The following SPTA1 variants were observed in gnomAD, a reference collection of about 807,000 sequenced individuals.
SPTA1 encodes spectrin alpha, erythrocytic 1.
In SPTA1, 177 loss-of-function variants were observed where a neutral mutation model predicts 324.7. That is an observed-to-expected ratio of 0.55 (90% confidence interval 0.48 to 0.62). SPTA1 has a LOEUF of 0.62. Among genes scored for constraint, SPTA1 ranks in the 20% least tolerant of loss-of-function variants. The pLI is 0.00. For synonymous variants in SPTA1, 1,195 were observed against 1,041.3 expected (o/e 1.15, Z -2.84); for missense variants, 3,162 against 2,883.6 (o/e 1.10, Z -2.21).
chr1:158,681,235 G>T (rs1571531426), intron 4 of SPTA1, among the ~76,000 whole-genome samples: 1 of 152,064 alleles, frequency 6.6e-6, no homozygotes, highest in Non-Finnish European at 1.5e-5. Flanking sequence ...ATAGGAGAAG[G>T]AGTTAAAAAT....
At chr1:158,645,616 A>C (rs772000307) in intron 27 of SPTA1, 22 bp from the exon 28 acceptor site, 1 of 1,613,382 alleles carries the variant, frequency 6.2e-7, no homozygotes, top group South Asian at 1.1e-5. Flanking sequence ...GACACATTGG[A>C]ATTGACAAGA....
intron 22 of SPTA1, among the ~76,000 whole-genome samples, chr1:158,652,993 T>A (rs959708136): frequency 2.0e-5 from 3 of 152,158 alleles, no homozygotes; most frequent in African/African-American, 7.2e-5. Context: ...TTCATATAGA[T>A]GTCAGGAGAC....
At chr1:158,612,254 C>G (rs543026165) in intron 51 of SPTA1, 1 of 163,562 alleles carries the variant, frequency 6.1e-6, no homozygotes, top group Admixed American at 5.9e-5. Context: ...AGTTCCTGCA[C>G]GTCCTTCAAC....
At position 158,657,705 on chromosome 1, in the gene SPTA1, A is replaced by AT; in HGVS notation, c.2588-12dup. ...CTGCAGCAAAGTGTCCTATGGAGTAATTATAGAAAAGGTGAGTATGATCCT... is the reference window on the plus strand; with the variant it reads ...CTGCAGCAAAGTGTCCTATGGAGTAATTTATAGAAAAGGTGAGTATGATCCT... On this transcript the variant is annotated splice_polypyrimidine_tract_variant and intron_variant, in intron 18 of 51. Coordinates refer to ENST00000643759, the MANE Select transcript of SPTA1 (RefSeq NM_003126.4). 1 of 1,613,704 alleles carries AT rather than the reference A, an allele frequency of 6.2e-7. No individual in the cohort carries two copies. Among genetic ancestry groups the AT allele is most frequent in the Middle Eastern group, 1.7e-4 (1 of 6,058 alleles).
chr1:158,660,388 C>T (rs1385374276), intron 18 of SPTA1, among the ~76,000 whole-genome samples: 1 of 152,042 alleles, frequency 6.6e-6, no homozygotes, highest in Non-Finnish European at 1.5e-5. Context: ...TATTAGTTTA[C>T]TAAAGGCTTC....
Position 158,674,375 on chromosome 1 carries a change from T to C in SPTA1, c.1304A>G (p.Asp435Gly). The C allele has an allele frequency of 6.2e-7, 1 of 1,614,110 alleles. No individual in the cohort carries two copies. The highest frequency in any genetic ancestry group is 2.2e-5 in the East Asian group (1 of 44,882). The change falls in exon 10 of 52, where the codon GAC (aspartate) becomes GGC (glycine). Residue 435 changes from aspartate (D) to glycine (G), a missense_variant. Physicochemically the swap from Asp to Gly is moderately conservative, Grantham distance 94 (BLOSUM62 -1). Transcript: ENST00000643759. ...GGCTTCATGATTGGCATTCACGAGGTCTTGACCAGTCTCATCAGCAGATTG... is the reference window on the plus strand; with the variant it reads ...GGCTTCATGATTGGCATTCACGAGGCCTTGACCAGTCTCATCAGCAGATTG... ...RFQSADETGQ[D>G]LVNANHEASD... is the part of the protein sequence containing the mutation.
chr1:158,629,136 T>G (rs1474405554), intron 39 of SPTA1, among the ~76,000 whole-genome samples: 1 of 150,538 alleles, frequency 6.6e-6, no homozygotes, highest in Non-Finnish European at 1.5e-5. Context: ...GATAGATAGA[T>G]GATAGATAGA....
chr1:158,642,769 A>T (rs760410820), intron 32 of SPTA1, 45 bp downstream of exon 32: 1 of 1,613,582 alleles, frequency 6.2e-7, no homozygotes, highest in Non-Finnish European at 8.5e-7. Flanking sequence ...CCAACCAACA[A>T]GCTCGGAATG....
rs1468181905 is a variant in SPTA1 at position 158,642,447 on chromosome 1, C to T, written c.4701G>A (p.Glu1567=). 1 of 1,613,686 alleles carries T rather than the reference C, an allele frequency of 6.2e-7. No individual in the cohort carries two copies. Among genetic ancestry groups the T allele is most frequent in the Non-Finnish European group, 8.5e-7 (1 of 1,179,700 alleles). The change falls in exon 33 of 52, where the codon GAG becomes GAA. Residue 1567 remains glutamate, a synonymous_variant. Transcript: ENST00000643759. ...CTTCATTGCCATCACAAGCGCTACA[C>T]TCAATCAGGGAGTTCCCCAGGTTGA... ...GVINLGNSLI[E]CSACDGNEEA...
In SPTA1 at chr1:158,613,799, T is replaced by C. The variant is rs1160518046; in HGVS notation, c.6911A>G (p.Asn2304Ser). Residue 2304 changes from asparagine (N) to serine (S), a missense_variant, in exon 50 of 52, where the codon AAT (asparagine) becomes AGT (serine). Asn to Ser is a conservative substitution (Grantham distance 46). Transcript: ENST00000643759. ...KEFRSCLRGL[N>S]YYLPMVEEDE... is the part of the protein sequence containing the mutation. ...CTCCTCCACCATGGGCAAGTAGTAA[T>C]TGAGTCCTCTCAGGCAGGACCGGAA... 6.2e-7 allele frequency: 1 copy of C among 1,613,798 alleles called. No individual in the cohort carries two copies. The highest frequency in any genetic ancestry group is 8.5e-7 in the Non-Finnish European group (1 of 1,179,894).
At position 158,662,973 on chromosome 1, in the gene SPTA1, G is replaced by T. The variant is rs764023251; in HGVS notation, c.2221-28C>A. On this transcript the variant is annotated intron_variant, in intron 16 of 51. Transcript: ENST00000643759. ...AAGGGAGAAATAGAATGAATGCGAA[G>T]AAATCCCATCATTTAGTAGGAAGTA... is the stretch of plus-strand genomic sequence containing the variant. 1.9e-6 allele frequency: 3 copies of T among 1,613,426 alleles called. No individual in the cohort carries two copies. In the South Asian group the frequency reaches 3.3e-5, roughly 18 times the overall value.
intron 37 of SPTA1, 62 bp from the exon 38 acceptor site, chr1:158,636,096 C>T (rs1651050252): frequency 6.2e-7 from 1 of 1,613,644 alleles, no homozygotes; most frequent in Non-Finnish European, 8.5e-7. Context: ...TAGCCATAGT[C>T]CCTGAGCAAA....
chr1:158,633,920 G>A (rs2101800705), intron 39 of SPTA1, among the ~76,000 whole-genome samples: 1 of 152,160 alleles, frequency 6.6e-6, no homozygotes, highest in Admixed American at 6.5e-5. Context: ...AAGAGTTCTT[G>A]GTAAATTCCC....
At chr1:158,671,837 C>T (rs560729245) in intron 11 of SPTA1, among the ~76,000 whole-genome samples, 1 of 152,310 alleles carries the variant, frequency 6.6e-6, no homozygotes, top group Non-Finnish European at 1.5e-5. Flanking sequence ...GTAGTTAAAG[C>T]CTCTCTGCTA....
Position 158,613,866 on chromosome 1 carries a change from G to C in SPTA1, c.6844C>G (p.His2282Asp). The change falls in exon 50 of 52, where the codon CAC becomes GAC. Residue 2282 changes from histidine to aspartate, a missense_variant and splice_region_variant. His to Asp is a moderately conservative substitution (Grantham distance 81). Transcript: ENST00000643759. ...CGCCCTGTCAAATTCTCATCAAAGT[G>C]TCTAAAGGATAAAAAAAGAAAAAAA... The part of the protein sequence containing the change: ...TLKEFSTIYK[H>D]FDENLTGRLT... 6.2e-7 allele frequency: 1 copy of C among 1,613,488 alleles called. No individual in the cohort carries two copies. The highest frequency in any genetic ancestry group is 2.2e-5 in the East Asian group (1 of 44,872).
chr1:158,678,282 C>T, intron 6 of SPTA1, 119 bp downstream of exon 6: 1 of 1,363,290 alleles, frequency 7.3e-7, no homozygotes, highest in Non-Finnish European at 1.0e-6. Context: ...GTACATGATC[C>T]ACTTTTGTTT....
At chr1:158,628,198 T>C (rs1046833100) in intron 39 of SPTA1, among the ~76,000 whole-genome samples, 1 of 152,176 alleles carries the variant, frequency 6.6e-6, no homozygotes, top group Non-Finnish European at 1.5e-5. Flanking sequence ...TCTGGAAACA[T>C]GATGTCTGTG....
chr1:158,666,529 G>T (rs1220504782), intron 15 of SPTA1, 32 bp from the exon 16 acceptor site: 1 of 1,583,482 alleles, frequency 6.3e-7, no homozygotes, highest in Non-Finnish European at 8.6e-7. Context: ...AAGACATTAG[G>T]TACCATAACT....
rs1381518062 is a variant in SPTA1, at chr1:158,657,541, C to A, written c.2741G>T (p.Trp914Leu). The change falls in exon 19 of 52, where the codon TGG becomes TTG. Residue 914 changes from tryptophan to leucine, a missense_variant. By Grantham distance (61) the Trp-to-Leu change is moderately conservative. Transcript: ENST00000643759. ...YLADLHEAET[W>L]IREKEPIVDN... The stretch of plus-strand genomic sequence containing the variant: ...TACAATAGGTTCCTTCTCTCTGATC[C>A]ATGTTTCTGCTTCATGCAGGTCAGC... 6.2e-7 allele frequency: 1 copy of A among 1,613,854 alleles called. No individual in the cohort carries two copies. Among genetic ancestry groups the A allele is most frequent in the Non-Finnish European group, 8.5e-7 (1 of 1,179,862 alleles).
Sources: gnomAD v4.1 joint callset for allele counts (sites outside exome capture counted in the v4.1 genomes callset) on GRCh38, gnomAD v4.1.1 for gene constraint, MANE v1.5 for transcripts, NCBI Gene and HGNC (gene_info 2026-07-23, HGNC 2026-07-21) for gene names.